The following PRKN variants were observed in gnomAD, a reference collection of about 807,000 sequenced individuals.
PRKN encodes E3 ubiquitin-protein ligase parkin.
Under a neutral mutation model 59.5 loss-of-function variants are expected in PRKN, and 56 were observed. The observed-to-expected ratio is 0.94, with a 90% CI of 0.76 to 1.18. The LOEUF (loss-of-function observed/expected upper bound fraction) is 1.18, where lower values mean the gene tolerates loss of function less well. Among genes scored for constraint, PRKN ranks in the 50% most tolerant of loss-of-function variants. The probability of loss-of-function intolerance (pLI) is 0.00; values close to 1 mark genes in which losing one functional copy is unlikely to be tolerated. For synonymous variants in PRKN, 250 were observed against 222.1 expected (o/e 1.13, Z -1.12); for missense variants, 657 against 596.4 (o/e 1.10, Z -1.06).
intron 7 of PRKN, among the ~76,000 whole-genome samples, chr6:161,638,400 G>C (rs190529020): frequency 7.4e-4 from 113 of 152,252 alleles, no homozygotes; most frequent in Non-Finnish European, 1.4e-3. Context: ...GTCCCAAAGT[G>C]CTAGGATTAC....
At chr6:162,555,981 CAAAAAA>C (rs772336975) in intron 1 of PRKN, among the ~76,000 whole-genome samples, 1 of 90,384 alleles carries the variant, frequency 1.1e-5, no homozygotes, top group Admixed American at 1.4e-4. Flanking sequence ...AACTCCATCT[CAAAAAA>C]AAAAAAAAAA....
At chr6:162,604,289 G>T (rs992087471) in intron 1 of PRKN, among the ~76,000 whole-genome samples, 2 of 152,160 alleles carry the variant, frequency 1.3e-5, no homozygotes, top group South Asian at 2.1e-4. Flanking sequence ...TGATCCCCTT[G>T]GGTATTCTCT....
intron 8 of PRKN, among the ~76,000 whole-genome samples, chr6:161,557,897 G>A (rs1780299383): frequency 6.6e-6 from 1 of 151,954 alleles, no homozygotes; most frequent in Non-Finnish European, 1.5e-5. Context: ...ACAGCTCTTG[G>A]GTCTCCTTTG....
intron 1 of PRKN, among the ~76,000 whole-genome samples, chr6:162,524,568 T>C (rs1778208415): frequency 6.6e-6 from 1 of 152,188 alleles, no homozygotes; most frequent in Non-Finnish European, 1.5e-5. Flanking sequence ...CATAATTCTC[T>C]TCTCTTGAGC....
intron 7 of PRKN, among the ~76,000 whole-genome samples, chr6:161,712,802 C>CA (rs1404317823): frequency 6.6e-6 from 1 of 152,102 alleles, no homozygotes; most frequent in African/African-American, 2.4e-5. Context: ...AAAACAAAAA[C>CA]AAAAACAAAC....
chr6:162,370,357 CACTA>C (rs1438687369), intron 2 of PRKN, among the ~76,000 whole-genome samples: 2 of 152,044 alleles, frequency 1.3e-5, no homozygotes, highest in Non-Finnish European at 2.9e-5. Flanking sequence ...ATTTTAACAT[CACTA>C]ACTAAGGCAA....
At chr6:162,525,806 T>C (rs1339894337) in intron 1 of PRKN, among the ~76,000 whole-genome samples, 1 of 152,226 alleles carries the variant, frequency 6.6e-6, no homozygotes, top group Admixed American at 6.5e-5. Flanking sequence ...ATCGGTTAAA[T>C]CGCTAAGCTG....
chr6:162,207,264 C>T (rs956069729), intron 3 of PRKN, among the ~76,000 whole-genome samples: 1 of 151,966 alleles, frequency 6.6e-6, no homozygotes. Context: ...CCCAGCTGCT[C>T]GGGAGGCTGA....
chr6:162,422,694 T>C (rs758579911), intron 2 of PRKN, among the ~76,000 whole-genome samples: 64 of 152,088 alleles, frequency 4.2e-4, no homozygotes, highest in Non-Finnish European at 8.5e-4. Context: ...CCTGTAATAA[T>C]AGCACTCTGG....
intron 7 of PRKN, among the ~76,000 whole-genome samples, chr6:161,768,661 CT>C (rs1362311471): frequency 1.1e-4 from 16 of 152,300 alleles, no homozygotes; most frequent in Admixed American, 2.6e-4. Flanking sequence ...GAGTCCACTT[CT>C]TTTAGTGTAG....
At position 162,201,254 on chromosome 6, in the gene PRKN, T is replaced by A; in HGVS notation, c.413-2A>T. 1 of 1,613,728 alleles carries A rather than the reference T, an allele frequency of 6.2e-7. No individual in the cohort carries two copies. The highest frequency in any genetic ancestry group is 8.5e-7 in the Non-Finnish European group (1 of 1,179,660). On this transcript the variant is annotated splice_acceptor_variant, in intron 3 of 11. Transcript: ENST00000366898. LOFTEE classifies it high-confidence loss of function. ...AGCTGTTGTAGATTGATCTACCTGC[T>A]GGAGAAGAAAAAGCAGAAGAAGTGG... is the stretch of plus-strand genomic sequence containing the variant.
chr6:162,448,802 C>G (rs28522327), intron 1 of PRKN, among the ~76,000 whole-genome samples: 1 of 150,492 alleles, frequency 6.6e-6, no homozygotes, highest in Non-Finnish European at 1.5e-5. Flanking sequence ...CTTTCTTTCT[C>G]TTTCTCTTTC....
chr6:162,610,875 T>A (rs1782118384), intron 1 of PRKN, among the ~76,000 whole-genome samples: 1 of 152,188 alleles, frequency 6.6e-6, no homozygotes, highest in African/African-American at 2.4e-5. Flanking sequence ...AATCATGATA[T>A]GTACATAGGT....
chr6:162,642,700 T>G (rs1446684441), intron 1 of PRKN, among the ~76,000 whole-genome samples: 1 of 151,806 alleles, frequency 6.6e-6, no homozygotes, highest in African/African-American at 2.4e-5. Context: ...ATATTATACT[T>G]AAAATTGAAA....
chr6:161,875,000 TATA>T (rs1562356815), intron 6 of PRKN, among the ~76,000 whole-genome samples: 1 of 91,818 alleles, frequency 1.1e-5, no homozygotes, highest in African/African-American at 5.5e-5. Context: ...TTATATATAA[TATA>T]TTATATATTA....
chr6:162,455,276 T>C (rs1790814276), intron 1 of PRKN, among the ~76,000 whole-genome samples: 1 of 152,188 alleles, frequency 6.6e-6, no homozygotes, highest in Admixed American at 6.6e-5. Context: ...TAGCCAGCCA[T>C]CCACCCATCC....
At chr6:161,889,479 G>T (rs1795266591) in intron 6 of PRKN, among the ~76,000 whole-genome samples, 1 of 152,192 alleles carries the variant, frequency 6.6e-6, no homozygotes, top group Non-Finnish European at 1.5e-5. Context: ...CCTGAATAAA[G>T]GGAGCGCCTT....
intron 4 of PRKN, among the ~76,000 whole-genome samples, chr6:162,192,165 A>G (rs747751149): frequency 1.7e-4 from 26 of 152,158 alleles, no homozygotes; most frequent in Non-Finnish European, 2.6e-4. Flanking sequence ...TTAAAAATGT[A>G]TCATCCTGCA....
intron 1 of PRKN, among the ~76,000 whole-genome samples, chr6:162,539,245 A>G (rs1275659266): frequency 5.3e-5 from 8 of 152,158 alleles, no homozygotes; most frequent in Non-Finnish European, 7.3e-5. Flanking sequence ...TAACATTTGT[A>G]TATTTCTGGA....
Sources: allele counts gnomAD v4.1 joint callset (sites outside exome capture counted in the v4.1 genomes callset), GRCh38; gene constraint gnomAD v4.1.1; transcripts MANE v1.5; gene names NCBI Gene and HGNC (gene_info 2026-07-23, HGNC 2026-07-21).